TUBGCP2: variants seen among roughly 807,000 people sequenced by gnomAD.
TUBGCP2 encodes tubulin gamma complex component 2.
TUBGCP2 carries 55 observed loss-of-function variants against 92.2 expected under a neutral mutation model. That is an observed-to-expected ratio of 0.60 (90% CI 0.48 to 0.75). The LOEUF (loss-of-function observed/expected upper bound fraction) is 0.75. Among genes scored for constraint, TUBGCP2 ranks in the 30% least tolerant of loss-of-function variants. TUBGCP2 has a pLI of 0.00. For synonymous variants in TUBGCP2, 533 were observed against 505.2 expected, an observed-to-expected ratio of 1.06 and a Z score of -0.74; for missense variants, 1,093 against 1,188.9, an observed-to-expected ratio of 0.92 and a Z score of 1.19.
chr10:133,310,419 T>A (rs2136152798), upstream of TUBGCP2: 2 of 1,129,662 alleles, frequency 1.8e-6, no homozygotes, highest in Non-Finnish European at 1.2e-6. Flanking sequence ...CACCTGCAGG[T>A]ACCTGAAGCC....
upstream of TUBGCP2, chr10:133,310,434 C>A: frequency 9.7e-7 from 1 of 1,035,952 alleles, no homozygotes; most frequent in Non-Finnish European, 1.4e-6. Flanking sequence ...GAAGCCCTGG[C>A]AACACAGCTA....
At chr10:133,301,506 C>T (rs752615960) in intron 2 of TUBGCP2, among the ~76,000 whole-genome samples, 56 of 152,238 alleles carry the variant, frequency 3.7e-4, no homozygotes, top group Admixed American at 2.2e-3. Context: ...CTATTCCACT[C>T]GGCTAATTTG....
chr10:133,311,664 C>T (rs377640654), upstream of TUBGCP2: 172 of 1,479,182 alleles, frequency 1.2e-4, 1 homozygote, highest in Admixed American at 2.1e-4. Flanking sequence ...CTGGGGAACA[C>T]AGGGGCTGTG....
chr10:133,308,938 G>T, upstream of TUBGCP2: 2 of 1,224,986 alleles, frequency 1.6e-6, no homozygotes, highest in South Asian at 4.1e-5. Context: ...GCCCGCGCCC[G>T]GGGTGATGCA....
chr10:133,311,639 C>G (rs1356756615), upstream of TUBGCP2: 3 of 1,271,886 alleles, frequency 2.4e-6, no homozygotes, highest in Non-Finnish European at 3.3e-6. Context: ...CAGTTTCTTT[C>G]TTGCATGTTC....
chr10:133,309,572 G>A (rs570768528), upstream of TUBGCP2: 71 of 1,355,992 alleles, frequency 5.2e-5, no homozygotes, highest in East Asian at 1.6e-3. Flanking sequence ...CCGCCCCACC[G>A]AGGCGCTGTG....
Position 133,283,005 on chromosome 10 carries a change from G to C in TUBGCP2, c.2289+73C>G, listed in dbSNP as rs537264852. ...GGGCAGGAAAACGTGAGCAGGCTGC[G>C]TGCGGCCACGGTCGGGACATGGTCT... On this transcript the variant is annotated intron_variant, in intron 15 of 17. Transcript: ENST00000252936. 6.8e-5 allele frequency: 108 copies of C among 1,581,504 alleles called. No individual in the cohort carries two copies. The African/African-American group carries it at 1.0e-3, about 15-fold the overall frequency.
In TUBGCP2 at chr10:133,293,742, G is replaced by T; in HGVS notation, c.644C>A (p.Ser215Ter). The change falls in exon 6 of 18, where the codon TCG (serine) becomes TAG (stop). Residue 215 changes from serine (S) to a stop codon, truncating the protein, a stop_gained. Transcript: ENST00000252936. LOFTEE classifies it high-confidence loss of function. ...GTACAGCAGGTCCTCCACCACGGCC[G>T]ACTCCTGCGAGGCCAGGGGCAACGT... ...IGTLPLASQE[S>*]AVVEDLLYVL... The T allele has an allele frequency of 6.3e-7, 1 of 1,597,044 alleles. No homozygotes were observed. Among genetic ancestry groups the T allele is most frequent in the Non-Finnish European group, 8.5e-7 (1 of 1,172,908 alleles).
Position 133,288,156 on chromosome 10 carries a change from G to A in TUBGCP2, c.1695C>T (p.Asn565=). 1.9e-6 allele frequency: 3 copies of A among 1,613,780 alleles called. No homozygotes were observed. Among genetic ancestry groups the A allele is most frequent in the South Asian group, 1.1e-5 (1 of 91,078 alleles). ...LELALRMSTA[N]TDPFKDDLKI... is the part of the protein sequence containing the mutation. ...TGAGGTCGTCCTTGAAGGGGTCAGT[G>A]TTGGCCGTGCTCATGCGCAGCGCCA... Residue 565 remains asparagine, a synonymous_variant, in exon 11 of 18, where the codon AAC becomes AAT. Transcript: ENST00000252936.
In TUBGCP2 at chr10:133,306,849, T is replaced by C. The variant is rs747176592; in HGVS notation, c.-40+1974A>G. Among the ~76,000 whole-genome samples the C allele has an allele frequency of 2.1e-4, 32 of 152,246 alleles. 1 individual carries two copies. The highest frequency in any genetic ancestry group is 1.9e-3 in the South Asian group (9 of 4,820). The stretch of plus-strand genomic sequence containing the variant: ...GGAAACTTCGTATCTCTTCTAGAAA[T>C]AGAAGCACAGATGCCCGCACGTCAT... On this transcript the variant is annotated intron_variant, in intron 1 of 17. Transcript: ENST00000252936.
chr10:133,302,818 T>A lies in TUBGCP2; in HGVS notation c.124A>T (p.Thr42Ser). 6.2e-7 allele frequency: 1 copy of A among 1,612,986 alleles called. No individual in the cohort carries two copies. Among genetic ancestry groups the A allele is most frequent in the Non-Finnish European group, 8.5e-7 (1 of 1,179,986 alleles). ...LQKNRTPYVTTTVSAHSAKVK... is the reference protein window; with the variant it reads ...LQKNRTPYVTSTVSAHSAKVK... ...TTGGCACTGTGAGCAGAGACAGTGG[T>A]AGTGACGTACGGGGTCCTGTTCTTT... Residue 42 changes from threonine to serine, a missense_variant, in exon 2 of 18, where the codon ACC becomes TCC. By Grantham distance (58) the Thr-to-Ser change is moderately conservative (BLOSUM62 1). Around this residue, in one of 3 missense-constraint regions of TUBGCP2, gnomAD observed 490 missense variants for 488.5 expected, o/e 1.00. Coordinates refer to ENST00000252936, the MANE Select transcript of TUBGCP2 (RefSeq NM_006659.4).
At position 133,288,014 on chromosome 10, in the gene TUBGCP2, T is replaced by A. The variant is rs530699017; in HGVS notation, c.1722+115A>T. The A allele has an allele frequency of 1.2e-5, 16 of 1,351,264 alleles. No individual in the cohort carries two copies. The South Asian group carries it at 2.5e-4, about 21-fold the overall frequency. The allele number at this position is 1,351,264 out of a possible 1,614,324, so 83.7% of individuals were successfully genotyped here. On this transcript the variant is annotated intron_variant, in intron 11 of 17. Coordinates refer to ENST00000252936, the MANE Select transcript of TUBGCP2 (RefSeq NM_006659.4). ...GTAGCCAAGTGAAGGAAACAGACCC[T>A]GCGGTCGCCTCACCGGGACGGGGAG...
intron 5 of TUBGCP2, among the ~76,000 whole-genome samples, chr10:133,294,968 C>T (rs1050816238): frequency 6.6e-6 from 1 of 152,172 alleles, no homozygotes; most frequent in Non-Finnish European, 1.5e-5. Flanking sequence ...TTGGGAACAG[C>T]GAGTGCATCT....
chr10:133,310,446 A>G (rs1847965309), upstream of TUBGCP2: 2 of 965,310 alleles, frequency 2.1e-6, no homozygotes, highest in South Asian at 3.3e-5. Context: ...ACACAGCTAC[A>G]GGTGGTTGTG....
intron 4 of TUBGCP2, among the ~76,000 whole-genome samples, chr10:133,299,146 G>A (rs928789919): frequency 7.2e-5 from 11 of 152,158 alleles, no homozygotes; most frequent in Non-Finnish European, 1.5e-4. Context: ...TCAGAGTCAC[G>A]TGGCCACCTG....
chr10:133,281,921 C>T lies in TUBGCP2; in HGVS notation c.2409+302G>A, dbSNP rs374338334. On this transcript the variant is annotated intron_variant, in intron 16 of 17. Coordinates refer to ENST00000252936, the MANE Select transcript of TUBGCP2 (RefSeq NM_006659.4). ...GAGCCTGACGGTTCTAACTCAGGAC[C>T]GAGCTCAGCAGGGACAGCGGGTGTG... 1.9e-3 allele frequency among the ~76,000 whole-genome samples: 296 copies of T among 152,372 alleles called. 1 individual carries two copies. Among genetic ancestry groups the T allele is most frequent in the African/African-American group, 6.4e-3 (265 of 41,586 alleles).
chr10:133,302,687 C>T (rs1352476446), intron 2 of TUBGCP2, 105 bp downstream of exon 2: 20 of 1,423,302 alleles, frequency 1.4e-5, no homozygotes, highest in East Asian at 7.3e-5. Context: ...GACCCAGGAA[C>T]GGCGCTCACC....
Position 133,285,422 on chromosome 10 carries a change from A to G in TUBGCP2, c.1895+34T>C, listed in dbSNP as rs1564935690. 1.2e-6 allele frequency: 2 copies of G among 1,612,964 alleles called. No homozygotes were observed. Among genetic ancestry groups the G allele is most frequent in the Non-Finnish European group, 1.7e-6 (2 of 1,179,838 alleles). On this transcript the variant is annotated intron_variant, in intron 12 of 17. Coordinates refer to ENST00000252936, the MANE Select transcript of TUBGCP2 (RefSeq NM_006659.4). The surrounding 1 kb of genome is among the most constrained non-coding windows in gnomAD (Gnocchi z 6.8). ...TCTCGCTTCTGCCAAACCTGAGTGAAGATCTGGCAGGTGCCCGAGCAGCCG... is the reference window on the plus strand; with the variant it reads ...TCTCGCTTCTGCCAAACCTGAGTGAGGATCTGGCAGGTGCCCGAGCAGCCG...
chr10:133,283,509 A>G (rs1463352178), intron 14 of TUBGCP2, among the ~76,000 whole-genome samples: 1 of 152,240 alleles, frequency 6.6e-6, no homozygotes, highest in African/African-American at 2.4e-5. Flanking sequence ...TCAGATGCGC[A>G]ATGTGGGAGA....
Sources: allele counts gnomAD v4.1 joint callset (sites outside exome capture counted in the v4.1 genomes callset), GRCh38; gene constraint gnomAD v4.1.1; regional missense constraint gnomAD v4.1.1; non-coding constraint Gnocchi (gnomAD v3.1); transcripts MANE v1.5; gene names NCBI Gene and HGNC (gene_info 2026-07-23, HGNC 2026-07-21).